Variants in FBXL19 observed in about 807,000 individuals in gnomAD.
FBXL19 encodes F-box and leucine rich repeat protein 19.
FBXL19 carries 16 observed loss-of-function variants against 71.2 expected under a neutral mutation model. The ratio of observed to expected loss-of-function variants is 0.22; its 90% CI spans 0.15 to 0.34. The LOEUF is 0.34. Among genes scored for constraint, FBXL19 ranks in the 10% least tolerant of loss-of-function variants. The pLI is 1.00. For synonymous variants in FBXL19, 447 were observed against 409.4 expected (o/e 1.09, Z -1.11); for missense variants, 658 against 968.2 (o/e 0.68, Z 4.25).
chr16:30,929,285 G>T (rs2055641607), intron 6 of FBXL19, among the ~76,000 whole-genome samples: 2 of 152,192 alleles, frequency 1.3e-5, no homozygotes. Flanking sequence ...TCTGAAAAGA[G>T]TGGCCCAGGT....
chr16:30,925,738 C>A lies in FBXL19; in HGVS notation c.-17C>A, dbSNP rs985652523. 3 of 1,489,644 alleles carry A rather than the reference C, an allele frequency of 2.0e-6. No individual in the cohort carries two copies. Among genetic ancestry groups the A allele is most frequent in the East Asian group, 2.7e-5 (1 of 36,892 alleles). 92.3% of individuals were successfully genotyped at this position (1,489,644 alleles called of 1,614,324 possible). A position where few individuals can be genotyped will look rare whatever the true frequency, so the allele number is the denominator to read the frequency against. On this transcript the variant is annotated 5_prime_UTR_variant, in exon 2 of 11. Transcript: ENST00000338343. This position sits in a 1 kb window ranked among gnomAD's most constrained non-coding sequence, Gnocchi z 5.0. ...GCCACCATCCACCTACAGCCCTCGG[C>A]GTTGCTGACGCCCCCAATGTCGTCG... is the stretch of plus-strand genomic sequence containing the variant.
rs1272455476 is a variant in FBXL19, at chr16:30,946,256, T to C, written c.1628-474T>C. ...TCTCGCTCTGTTGCCCAGGCTGGGGTGCAGTGGCACAATCGTGGCTCACTG... is the reference window on the plus strand; with the variant it reads ...TCTCGCTCTGTTGCCCAGGCTGGGGCGCAGTGGCACAATCGTGGCTCACTG... On this transcript the variant is annotated intron_variant, in intron 9 of 10. Coordinates refer to ENST00000338343, the MANE Select transcript of FBXL19 (RefSeq NM_001382779.1). The surrounding 1 kb of genome is among the most constrained non-coding windows in gnomAD (Gnocchi z 6.7). Among the ~76,000 whole-genome samples, 2 of 152,176 alleles carry C rather than the reference T, an allele frequency of 1.3e-5. No homozygotes were observed. The highest frequency in any genetic ancestry group is 2.9e-5 in the Non-Finnish European group (2 of 68,028).
Position 30,930,591 on chromosome 16 carries a change from G to T in FBXL19, c.1301+7G>T. 2 of 1,432,568 alleles carry T rather than the reference G, an allele frequency of 1.4e-6. No individual in the cohort carries two copies. The highest frequency in any genetic ancestry group is 1.8e-6 in the Non-Finnish European group (2 of 1,097,586). The allele number at this position is 1,432,568 out of a possible 1,614,324, so 88.7% of individuals were successfully genotyped here. On this transcript the variant is annotated splice_region_variant and intron_variant, in intron 7 of 10. Transcript: ENST00000338343. The surrounding 1 kb of genome is among the most constrained non-coding windows in gnomAD (Gnocchi z 8.5). ...GCCGAACTTGGAGCCGCTGGTGAGTGGCCTGGACAGGCCTGCGTTCCGTGG... is the reference window on the plus strand; with the variant it reads ...GCCGAACTTGGAGCCGCTGGTGAGTTGCCTGGACAGGCCTGCGTTCCGTGG...
upstream of FBXL19, chr16:30,923,402 T>C (rs1284145862): frequency 1.1e-5 from 4 of 355,924 alleles, no homozygotes; most frequent in African/African-American, 2.2e-5. Flanking sequence ...GTAGCATCAG[T>C]GGCCGCAGGA....
At position 30,947,174 on chromosome 16, in the gene FBXL19, G is replaced by C. The variant is rs1299893334; in HGVS notation, c.1969G>C (p.Gly657Arg). 1.3e-6 allele frequency: 2 copies of C among 1,599,314 alleles called. No individual in the cohort carries two copies. Among genetic ancestry groups the C allele is most frequent in the Admixed American group, 1.7e-5 (1 of 59,916 alleles). Residue 657 changes from glycine (G) to arginine (R), a missense_variant, in exon 11 of 11, where the codon GGG becomes CGG. This residue lies in a region of FBXL19 where 69 missense variants were observed against 177.8 expected (regional missense o/e 0.39). Transcript: ENST00000338343. ...PEACARLAAA[G>R]PPGPFRCPEE... ...AGCTTGTGCCCGGCTGGCAGCTGCC[G>C]GGCCCCCTGGCCCCTTCCGCTGCCC...
intron 7 of FBXL19, among the ~76,000 whole-genome samples, chr16:30,931,893 A>ATT (rs34106190): frequency 1.4e-4 from 19 of 132,252 alleles, no homozygotes; most frequent in South Asian, 7.3e-4. Flanking sequence ...CACCCGGCTA[A>ATT]TTTTTTTTTT....
At chr16:30,922,868 C>T (rs561462134), upstream of FBXL19, 84 of 357,398 alleles carry the variant, frequency 2.4e-4, 1 homozygote, top group Non-Finnish European at 4.2e-4. Context: ...AGACCACAGG[C>T]GGGCGAGGTG....
rs760812837 is a variant in FBXL19 at position 30,942,328 on chromosome 16, G to A, written c.1466-47G>A. On this transcript the variant is annotated intron_variant, in intron 8 of 10. Transcript: ENST00000338343. The surrounding 1 kb of genome is among the most constrained non-coding windows in gnomAD (Gnocchi z 5.7). Reference sequence around the variant, plus strand: ...AGGGTGGGGACAGGGACAGGCCTGGGATGGAGTCCTCACAGCACCTGCTTC... The same window carrying A: ...AGGGTGGGGACAGGGACAGGCCTGGAATGGAGTCCTCACAGCACCTGCTTC... The A allele has an allele frequency of 2.5e-6, 4 of 1,602,088 alleles. No homozygotes were observed. The highest frequency in any genetic ancestry group is 1.1e-5 in the South Asian group (1 of 89,516).
rs757029811 is a variant in FBXL19 at position 30,927,851 on chromosome 16, C to T, written c.515C>T (p.Pro172Leu). 1.1e-5 allele frequency: 17 copies of T among 1,540,834 alleles called. 1 individual carries two copies. In the Admixed American group the frequency reaches 3.1e-4, roughly 28 times the overall value. Residue 172 changes from proline to leucine, a missense_variant, in exon 5 of 11, where the codon CCG (proline) becomes CTG (leucine). This residue lies in a region of FBXL19 where 447 missense variants were observed against 515.4 expected (regional missense o/e 0.87). Coordinates refer to ENST00000338343, the MANE Select transcript of FBXL19 (RefSeq NM_001382779.1). Reference protein sequence around the residue: ...LTEEPPLPPPPPRRKGPLPAG... With the variant: ...LTEEPPLPPPLPRRKGPLPAG... ...GAGGAGCCACCGCTTCCACCGCCCC[C>T]GCCCAGGCGCAAGGGCCCCCTGCCT...
Position 30,930,111 on chromosome 16 carries a change from G to A in FBXL19, c.828G>A (p.Ala276=), listed in dbSNP as rs200509975. 64 of 1,613,496 alleles carry A rather than the reference G, an allele frequency of 4.0e-5. No individual in the cohort carries two copies. In the African/African-American group the frequency reaches 6.9e-4, roughly 17 times the overall value. Residue 276 remains alanine, a synonymous_variant, in exon 7 of 11, where the codon GCG becomes GCA. Transcript: ENST00000338343. This position sits in a 1 kb window ranked among gnomAD's most constrained non-coding sequence, Gnocchi z 8.5. ...KPPLASAEGP[A]VPSPSPQREK... ...CTTTGGCCTCTGCAGAGGGCCCAGC[G>A]GTGCCGTCCCCGTCCCCGCAGAGGG...
Position 30,946,660 on chromosome 16 carries a change from A to T in FBXL19, c.1628-70A>T. The T allele has an allele frequency of 1.4e-6, 2 of 1,438,040 alleles. No individual in the cohort carries two copies. The highest frequency in any genetic ancestry group is 9.5e-7 in the Non-Finnish European group (1 of 1,057,228). 89.1% of individuals were successfully genotyped at this position (1,438,040 alleles called of 1,614,324 possible). A position where few individuals can be genotyped will look rare whatever the true frequency, so the allele number is the denominator to read the frequency against. On this transcript the variant is annotated intron_variant, in intron 9 of 10. Coordinates refer to ENST00000338343, the MANE Select transcript of FBXL19 (RefSeq NM_001382779.1). This position sits in a 1 kb window ranked among gnomAD's most constrained non-coding sequence, Gnocchi z 6.7. ...CTTATGTGGGAAGCAGGTGGAGGGC[A>T]GATGGTCTGGATACCTGGGCGCAGG... is the stretch of plus-strand genomic sequence containing the variant.
In FBXL19 at chr16:30,947,549, G is replaced by C. The variant is rs2055874295; in HGVS notation, c.*319G>C. 1 of 361,244 alleles carries C rather than the reference G, an allele frequency of 2.8e-6. No individual in the cohort carries two copies. The highest frequency in any genetic ancestry group is 6.6e-5 in the East Asian group (1 of 15,086). 22.4% of individuals were successfully genotyped at this position (361,244 alleles called of 1,614,324 possible). On this transcript the variant is annotated 3_prime_UTR_variant, in exon 11 of 11. Coordinates refer to ENST00000338343, the MANE Select transcript of FBXL19 (RefSeq NM_001382779.1). ...GGGGGTTATGGTGCAAGTGTTGGGG[G>C]GGAGAATGGGGAAAGGACACACACA...
rs1188605049 is a variant in FBXL19 at position 30,927,830 on chromosome 16, AGCCACCGCTTCCACC to A, written c.498_512del (p.Leu168_Pro172del). ...GGGAGCGGATGGAAGCTGACAGAGG[AGCCACCGCTTCCACC>A]GCCCCCGCCCAGGCGCAAGGGCCCC... On this transcript the variant is annotated inframe_deletion, in exon 5 of 11. Transcript: ENST00000338343. 1 of 1,548,012 alleles carries A rather than the reference AGCCACCGCTTCCACC, an allele frequency of 6.5e-7. No individual in the cohort carries two copies. Among genetic ancestry groups the A allele is most frequent in the Non-Finnish European group, 8.7e-7 (1 of 1,146,916 alleles).
At chr16:30,923,455 T>G (rs1428665404), upstream of FBXL19, among the ~76,000 whole-genome samples, 1 of 125,558 alleles carries the variant, frequency 8.0e-6, no homozygotes, top group Non-Finnish European at 1.7e-5. Context: ...TCCTGGAAAG[T>G]GGAGGTGGTG....
Position 30,925,644 on chromosome 16 carries a change from GCTGCCTGTAGGTGGAGGGA to G in FBXL19, c.-24-85_-24-67del. 2.2e-6 allele frequency: 3 copies of G among 1,339,758 alleles called. No homozygotes were observed. The highest frequency in any genetic ancestry group is 2.9e-6 in the Non-Finnish European group (3 of 1,041,884). 83.0% of individuals were successfully genotyped at this position (1,339,758 alleles called of 1,614,324 possible). On this transcript the variant is annotated intron_variant, in intron 1 of 10. Coordinates refer to ENST00000338343, the MANE Select transcript of FBXL19 (RefSeq NM_001382779.1). The surrounding 1 kb of genome is among the most constrained non-coding windows in gnomAD (Gnocchi z 5.0). Reference sequence around the variant, plus strand: ...CCCCTGAGGAAGAGGGCAGGCTCTAGCTGCCTGTAGGTGGAGGGACCTGTCAGGGGTCTCCCAGGCCAGG... The same window carrying G: ...CCCCTGAGGAAGAGGGCAGGCTCTAGCCTGTCAGGGGTCTCCCAGGCCAGG...
chr16:30,947,499 T>G lies in FBXL19; in HGVS notation c.*269T>G. On this transcript the variant is annotated 3_prime_UTR_variant, in exon 11 of 11. Coordinates refer to ENST00000338343, the MANE Select transcript of FBXL19 (RefSeq NM_001382779.1). ...GGAGTGGGTCAGAGGTACTGGAGGG[T>G]GCTGAGCCGAAGGGACGGTGGGAGG... The G allele has an allele frequency of 2.3e-6, 1 of 437,638 alleles. No homozygotes were observed. Among genetic ancestry groups the G allele is most frequent in the Non-Finnish European group, 4.1e-6 (1 of 243,398 alleles). 27.1% of individuals were successfully genotyped at this position (437,638 alleles called of 1,614,324 possible).
chr16:30,930,326 G>A lies in FBXL19; in HGVS notation c.1043G>A (p.Gly348Glu). Reference sequence around the variant, plus strand: ...AGCTCTGGCGAGAAGGAGAACCGTGGGGGGCGGCGGGCTGTGCGCCCTGGC... The same window carrying A: ...AGCTCTGGCGAGAAGGAGAACCGTGAGGGGCGGCGGGCTGTGCGCCCTGGC... ...RGSSGEKENR[G>E]GRRAVRPGSG... Residue 348 changes from glycine to glutamate, a missense_variant, in exon 7 of 11, where the codon GGG becomes GAG. This residue lies in a region of FBXL19 where 447 missense variants were observed against 515.4 expected (regional missense o/e 0.87). Transcript: ENST00000338343. This position sits in a 1 kb window ranked among gnomAD's most constrained non-coding sequence, Gnocchi z 8.5. 1 of 1,602,228 alleles carries A rather than the reference G, an allele frequency of 6.2e-7. No homozygotes were observed. Among genetic ancestry groups the A allele is most frequent in the South Asian group, 1.1e-5 (1 of 90,616 alleles).
rs1403443257 is a variant in FBXL19 at position 30,930,663 on chromosome 16, C to T, written c.1301+79C>T. 5 of 1,358,770 alleles carry T rather than the reference C, an allele frequency of 3.7e-6. No individual in the cohort carries two copies. The highest frequency in any genetic ancestry group is 1.5e-5 in the African/African-American group (1 of 65,370). The allele number at this position is 1,358,770 out of a possible 1,614,324, so 84.2% of individuals were successfully genotyped here. ...GGGTGACCTGCGGTAGGTCTCTGGC[C>T]CTCTCTGGGCCTTGCTTTTATATTG... On this transcript the variant is annotated intron_variant, in intron 7 of 10. Coordinates refer to ENST00000338343, the MANE Select transcript of FBXL19 (RefSeq NM_001382779.1). This position sits in a 1 kb window ranked among gnomAD's most constrained non-coding sequence, Gnocchi z 8.5.
In FBXL19 at chr16:30,925,661, G is replaced by A; in HGVS notation, c.-24-70G>A. ...AGGCTCTAGCTGCCTGTAGGTGGAG[G>A]GACCTGTCAGGGGTCTCCCAGGCCA... On this transcript the variant is annotated intron_variant, in intron 1 of 10. Coordinates refer to ENST00000338343, the MANE Select transcript of FBXL19 (RefSeq NM_001382779.1). This position sits in a 1 kb window ranked among gnomAD's most constrained non-coding sequence, Gnocchi z 5.0. The A allele has an allele frequency of 7.2e-7, 1 of 1,385,454 alleles. No homozygotes were observed. The highest frequency in any genetic ancestry group is 9.3e-7 in the Non-Finnish European group (1 of 1,076,162). The allele number at this position is 1,385,454 out of a possible 1,614,324, so 85.8% of individuals were successfully genotyped here. A position where few individuals can be genotyped will look rare whatever the true frequency, so the allele number is the denominator to read the frequency against.
Sources: allele counts gnomAD v4.1 joint callset (sites outside exome capture counted in the v4.1 genomes callset), GRCh38; gene constraint gnomAD v4.1.1; regional missense constraint gnomAD v4.1.1; non-coding constraint Gnocchi (gnomAD v3.1); transcripts MANE v1.5; gene names NCBI Gene and HGNC (gene_info 2026-07-23, HGNC 2026-07-21).